SNX18: variants seen among roughly 807,000 people sequenced by gnomAD.
The protein encoded by SNX18 is sorting nexin 18.
SNX18 carries 35 observed loss-of-function variants against 48.7 expected under a neutral mutation model. The ratio of observed to expected loss-of-function variants is 0.72; its 90% CI spans 0.55 to 0.95. SNX18 has a LOEUF of 0.95. Among genes scored for constraint, SNX18 ranks in the 40% least tolerant of loss-of-function variants. The probability of loss-of-function intolerance (pLI) is 0.00; values close to 1 mark genes in which losing one functional copy is unlikely to be tolerated. For synonymous variants in SNX18, 492 were observed against 384.7 expected, an observed-to-expected ratio of 1.28 and a Z score of -3.26; for missense variants, 824 against 871.0, an observed-to-expected ratio of 0.95 and a Z score of 0.68.
the SNX18 span, among the ~76,000 whole-genome samples, chr5:54,615,918 T>C: frequency 6.6e-6 from 1 of 152,172 alleles, no homozygotes; most frequent in Non-Finnish European, 1.5e-5. Flanking sequence ...GTAGACTAGT[T>C]AAAAGAGCTT....
At chr5:54,580,055 G>T in the SNX18 span, among the ~76,000 whole-genome samples, 1 of 151,920 alleles carries the variant, frequency 6.6e-6, no homozygotes, top group Non-Finnish European at 1.5e-5. Flanking sequence ...GGTTACACTG[G>T]CTGAAGTGCA....
At chr5:54,618,340 C>T in the SNX18 span, among the ~76,000 whole-genome samples, 2 of 152,182 alleles carry the variant, frequency 1.3e-5, no homozygotes, top group African/African-American at 2.4e-5. Context: ...TCCTTTATAG[C>T]AGTGTGAGAA....
the SNX18 span, among the ~76,000 whole-genome samples, chr5:54,562,127 G>A: frequency 6.6e-6 from 1 of 152,092 alleles, no homozygotes; most frequent in Non-Finnish European, 1.5e-5. Flanking sequence ...CACAGCCTTC[G>A]TTAGCTCTTT....
chr5:54,612,741 G>A, the SNX18 span, among the ~76,000 whole-genome samples: 3 of 152,060 alleles, frequency 2.0e-5, no homozygotes, highest in African/African-American at 7.2e-5. Context: ...ACTGTCACCC[G>A]AGCCATGTTC....
chr5:54,529,175 TG>T (rs1762204104), intron 1 of SNX18, among the ~76,000 whole-genome samples: 1 of 152,074 alleles, frequency 6.6e-6, no homozygotes, highest in Non-Finnish European at 1.5e-5. Flanking sequence ...AACATCTTAT[TG>T]GGGGCAGTGT....
chr5:54,636,457 T>A, the SNX18 span, among the ~76,000 whole-genome samples: 1 of 152,140 alleles, frequency 6.6e-6, no homozygotes, highest in Non-Finnish European at 1.5e-5. Context: ...GTTGTATGCA[T>A]AACGGAAACA....
the SNX18 span, among the ~76,000 whole-genome samples, chr5:54,552,148 G>A: frequency 6.6e-6 from 1 of 152,154 alleles, no homozygotes; most frequent in African/African-American, 2.4e-5. Context: ...CTGTGCCTCC[G>A]CGACGTGACC....
At chr5:54,539,580 G>A (rs370160047) in intron 1 of SNX18, among the ~76,000 whole-genome samples, 1 of 152,034 alleles carries the variant, frequency 6.6e-6, no homozygotes, top group African/African-American at 2.4e-5. Flanking sequence ...GCAGAATTGT[G>A]CTTCATGGAC....
chr5:54,643,503 T>A, the SNX18 span: 1 of 152,186 alleles, frequency 6.6e-6, no homozygotes, highest in African/African-American at 2.4e-5. Context: ...TTACCTTTTT[T>A]AAAAAACGAC....
the SNX18 span, among the ~76,000 whole-genome samples, chr5:54,591,923 G>T: frequency 1.3e-5 from 2 of 152,176 alleles, no homozygotes; most frequent in Admixed American, 6.5e-5. Flanking sequence ...TTTGGAGATT[G>T]TTTGTTGCTA....
the SNX18 span, among the ~76,000 whole-genome samples, chr5:54,620,050 T>C: frequency 6.6e-6 from 1 of 152,190 alleles, no homozygotes; most frequent in Non-Finnish European, 1.5e-5. Context: ...TCTGGCATAG[T>C]GAGTTTGGGG....
chr5:54,625,138 C>G, the SNX18 span, among the ~76,000 whole-genome samples: 1 of 152,182 alleles, frequency 6.6e-6, no homozygotes, highest in African/African-American at 2.4e-5. Context: ...TCCCCATTCT[C>G]AGGCCATAGT....
intron 1 of SNX18, among the ~76,000 whole-genome samples, chr5:54,523,863 C>G (rs577313749): frequency 6.6e-6 from 1 of 152,200 alleles, no homozygotes; most frequent in Non-Finnish European, 1.5e-5. Context: ...GGCTGGGCCA[C>G]ACGGAGACCC....
At chr5:54,642,996 C>T in the SNX18 span, among the ~76,000 whole-genome samples, 3 of 152,138 alleles carry the variant, frequency 2.0e-5, no homozygotes, top group Admixed American at 6.5e-5. Context: ...GCCTTAGGTC[C>T]TGTTTATGAT....
chr5:54,578,202 C>T, the SNX18 span, among the ~76,000 whole-genome samples: 4 of 152,320 alleles, frequency 2.6e-5, no homozygotes, highest in South Asian at 4.1e-4. Context: ...TGAAAATGAA[C>T]GTGCCACTTA....
Position 54,518,201 on chromosome 5 carries a change from C to T in SNX18, c.249C>T (p.Pro83=), listed in dbSNP as rs1024142653. 1.4e-6 allele frequency: 2 copies of T among 1,397,048 alleles called. No homozygotes were observed. The highest frequency in any genetic ancestry group is 1.8e-6 in the Non-Finnish European group (2 of 1,085,498). The allele number at this position is 1,397,048 out of a possible 1,614,324, so 86.5% of individuals were successfully genotyped here. A position where few individuals can be genotyped will look rare whatever the true frequency, so the allele number is the denominator to read the frequency against. The part of the protein sequence containing the change: ...GAPARYANVP[P]GGFEPLPVAP... ...CGGCCCGCTACGCCAATGTGCCCCC[C>T]GGGGGCTTCGAGCCCCTGCCTGTCG... The change falls in exon 1 of 2, where the codon CCC becomes CCT. Residue 83 remains proline (P), a synonymous_variant. Transcript: ENST00000381410.
the SNX18 span, among the ~76,000 whole-genome samples, chr5:54,562,658 C>G: frequency 1.3e-5 from 2 of 152,182 alleles, no homozygotes; most frequent in Non-Finnish European, 1.5e-5. Flanking sequence ...CGTACAGTAC[C>G]TAGTACTTGA....
At chr5:54,568,742 G>C in the SNX18 span, among the ~76,000 whole-genome samples, 1 of 151,750 alleles carries the variant, frequency 6.6e-6, no homozygotes, top group African/African-American at 2.4e-5. Flanking sequence ...TGTTGATTAT[G>C]GTTGCAGGAC....
At chr5:54,565,091 G>A in the SNX18 span, among the ~76,000 whole-genome samples, 1 of 152,096 alleles carries the variant, frequency 6.6e-6, no homozygotes, top group Non-Finnish European at 1.5e-5. Flanking sequence ...CACCTGTAAG[G>A]ACCCAATTTG....
Sources: allele counts gnomAD v4.1 joint callset (sites outside exome capture counted in the v4.1 genomes callset), GRCh38; gene constraint gnomAD v4.1.1; transcripts MANE v1.5; gene names NCBI Gene and HGNC (gene_info 2026-07-23, HGNC 2026-07-21).